The following TRANK1 variants were observed in gnomAD, a reference collection of about 807,000 sequenced individuals.
TRANK1 encodes TPR and ankyrin repeat-containing protein 1.
Under a neutral mutation model 266.0 loss-of-function variants are expected in TRANK1, and 198 were observed. The ratio of observed to expected loss-of-function variants is 0.74; its 90% CI spans 0.66 to 0.84. The LOEUF is 0.84. Ranked by LOEUF, TRANK1 falls within the 40% of genes least tolerant of loss-of-function variation. The probability of loss-of-function intolerance (pLI) is 0.00; values close to 1 mark genes in which losing one functional copy is unlikely to be tolerated. For synonymous variants in TRANK1, 1,396 were observed against 1,384.1 expected (o/e 1.01, Z -0.19); for missense variants, 3,326 against 3,634.6 (o/e 0.92, Z 2.18).
rs985846457 is a variant in TRANK1, at chr3:36,944,890, C to CG, written c.-82dup. ...TGTGGGCAGGGCGCGGCGGGCAGTG[C>CG]GGAAGCCCGAAAGCTACCGGAGCCC... On this transcript the variant is annotated 5_prime_UTR_variant, in exon 1 of 24. Coordinates refer to ENST00000645898, the MANE Select transcript of TRANK1 (RefSeq NM_001329998.2). 6 of 1,338,106 alleles carry CG rather than the reference C, an allele frequency of 4.5e-6. No individual in the cohort carries two copies. In the African/African-American group the frequency reaches 9.3e-5, roughly 21 times the overall value. 82.9% of individuals were successfully genotyped at this position (1,338,106 alleles called of 1,614,324 possible).
chr3:36,870,951 T>C (rs1413808774), intron 9 of TRANK1, among the ~76,000 whole-genome samples: 1 of 64,604 alleles, frequency 1.5e-5, no homozygotes, highest in East Asian at 4.6e-4. Flanking sequence ...GATTGTATTA[T>C]ACAAGGAAAC....
intron 1 of TRANK1, among the ~76,000 whole-genome samples, chr3:36,918,820 G>A (rs951958867): frequency 2.8e-4 from 42 of 152,040 alleles, no homozygotes; most frequent in Admixed American, 6.6e-5. Context: ...AAGTTTCCTC[G>A]GTTTTGTAGT....
rs765294473 is a variant in TRANK1, at chr3:36,856,777, ACTTGGC to A, written c.2939_2944del (p.Gly980_Gln981del). The A allele has an allele frequency of 1.2e-6, 2 of 1,613,862 alleles. No homozygotes were observed. Among genetic ancestry groups the A allele is most frequent in the African/African-American group, 2.7e-5 (2 of 74,910 alleles). On this transcript the variant is annotated inframe_deletion, in exon 13 of 24. Transcript: ENST00000645898. ...CTTTTGAATTTTCATGTTAGCTGAC[ACTTGGC>A]CTTTATTGATACCTTTCAGCTTCTT...
chr3:36,843,279 G>C (rs1365220125), intron 17 of TRANK1, among the ~76,000 whole-genome samples: 1 of 152,110 alleles, frequency 6.6e-6, no homozygotes, highest in Non-Finnish European at 1.5e-5. Flanking sequence ...GATGTGGTTT[G>C]GTTTTTAAGT....
chr3:36,851,489 G>A lies in TRANK1; in HGVS notation c.4887+230C>T. 4 of 1,251,146 alleles carry A rather than the reference G, an allele frequency of 3.2e-6. No individual in the cohort carries two copies. In the South Asian group the frequency reaches 9.3e-5, roughly 29 times the overall value. 77.5% of individuals were successfully genotyped at this position (1,251,146 alleles called of 1,614,324 possible). A position where few individuals can be genotyped will look rare whatever the true frequency, so the allele number is the denominator to read the frequency against. On this transcript the variant is annotated intron_variant, in intron 15 of 23. Transcript: ENST00000645898. ...CTTGGGTACTAGAGAGCCAAAGAAG[G>A]GCAGGGCACAGGGGGAACTAGCCCA...
intron 14 of TRANK1, 48 bp downstream of exon 14, chr3:36,852,098 A>G (rs2078992017): frequency 5.9e-6 from 9 of 1,522,938 alleles, no homozygotes; most frequent in Middle Eastern, 3.5e-4. Flanking sequence ...ACTTTTTTCA[A>G]TTGCAAACTG....
At chr3:36,907,355 G>T (rs1030658265) in intron 2 of TRANK1, among the ~76,000 whole-genome samples, 1 of 151,682 alleles carries the variant, frequency 6.6e-6, no homozygotes, top group Admixed American at 6.6e-5. Flanking sequence ...TCACCATGTT[G>T]GCCAGGCTGG....
chr3:36,834,518 A>C, intron 21 of TRANK1: 2 of 440,296 alleles, frequency 4.5e-6, no homozygotes, highest in Non-Finnish European at 8.0e-6. Context: ...CACTCATAAC[A>C]TACTCCCATC....
intron 9 of TRANK1, among the ~76,000 whole-genome samples, chr3:36,866,084 GAA>G (rs1476231707): frequency 6.6e-6 from 1 of 150,982 alleles, no homozygotes; most frequent in South Asian, 2.1e-4. Flanking sequence ...AAGAAAGAAA[GAA>G]AGAAAGAAAG....
chr3:36,933,141 A>T (rs6781272), intron 1 of TRANK1, among the ~76,000 whole-genome samples: 16,111 of 151,188 alleles, frequency 0.11, 1,141 homozygotes, highest in East Asian at 0.35. Flanking sequence ...CTCATTGCAG[A>T]CACCCCTTCC....
At chr3:36,848,806 G>C (rs1430081550) in intron 15 of TRANK1, among the ~76,000 whole-genome samples, 1 of 152,174 alleles carries the variant, frequency 6.6e-6, no homozygotes, top group Non-Finnish European at 1.5e-5. Flanking sequence ...AAGGAAAGTA[G>C]GCAGAAGACA....
rs913328136 is a variant in TRANK1 at position 36,827,886 on chromosome 3, G to C, written c.*389C>G. 6.0e-6 allele frequency: 1 copy of C among 166,222 alleles called. No individual in the cohort carries two copies. The allele number at this position is 166,222 out of a possible 1,614,324, so 10.3% of individuals were successfully genotyped here. ...ATCCATAGAGAGATTTCCTGGCCCAGAGCAGCAGCAACTGAGGTGAGGAGA... is the reference window on the plus strand; with the variant it reads ...ATCCATAGAGAGATTTCCTGGCCCACAGCAGCAGCAACTGAGGTGAGGAGA... On this transcript the variant is annotated 3_prime_UTR_variant, in exon 24 of 24. Transcript: ENST00000645898.
intron 1 of TRANK1, among the ~76,000 whole-genome samples, chr3:36,941,846 A>G (rs1053855200): frequency 8.5e-5 from 13 of 152,192 alleles, no homozygotes; most frequent in African/African-American, 2.9e-4. Context: ...CAGCACTCCA[A>G]GGAAATTTGT....
At chr3:36,915,739 G>C (rs78893682) in intron 1 of TRANK1, among the ~76,000 whole-genome samples, 6,029 of 152,258 alleles carry the variant, frequency 0.04, 173 homozygotes, top group African/African-American at 0.08. Flanking sequence ...GAGGGTATAA[G>C]AAAGGCTGTA....
intron 9 of TRANK1, among the ~76,000 whole-genome samples, chr3:36,866,754 G>A (rs2079233568): frequency 6.6e-6 from 1 of 152,138 alleles, no homozygotes; most frequent in African/African-American, 2.4e-5. Context: ...AACAAGCCTT[G>A]GGTGCTGACT....
intron 1 of TRANK1, among the ~76,000 whole-genome samples, chr3:36,944,219 C>T (rs1474488008): frequency 1.3e-5 from 2 of 152,194 alleles, no homozygotes; most frequent in African/African-American, 4.8e-5. Context: ...TGAGCCCAGG[C>T]TGATGGACCG....
chr3:36,935,046 A>G (rs75543397), intron 1 of TRANK1, among the ~76,000 whole-genome samples: 3,622 of 152,222 alleles, frequency 0.024, 62 homozygotes, highest in Non-Finnish European at 0.036. Flanking sequence ...ATCATGTGCT[A>G]TGTGTCCAGA....
intron 22 of TRANK1, 106 bp from the exon 23 acceptor site, chr3:36,829,768 T>C (rs1039537246): frequency 7.3e-6 from 9 of 1,232,636 alleles, no homozygotes; most frequent in Non-Finnish European, 1.0e-5. Flanking sequence ...GGTCTCTATG[T>C]TTTCCCTGAA....
At chr3:36,860,755 T>A in intron 11 of TRANK1, 151 bp downstream of exon 11, 2 of 1,191,754 alleles carry the variant, frequency 1.7e-6, no homozygotes, top group Non-Finnish European at 2.3e-6. Context: ...GTAACCTCCA[T>A]CACTGTTTCA....
Sources: gnomAD v4.1 joint callset for allele counts (sites outside exome capture counted in the v4.1 genomes callset) on GRCh38, gnomAD v4.1.1 for gene constraint, MANE v1.5 for transcripts, NCBI Gene and HGNC (gene_info 2026-07-23, HGNC 2026-07-21) for gene names.